The following CDK6 variants were observed in gnomAD, a reference collection of about 807,000 sequenced individuals.
CDK6 encodes cyclin dependent kinase 6, also known as cyclin-dependent kinase 6.
A neutral mutation model predicts 37.1 loss-of-function variants in CDK6; 6 were observed. That is an observed-to-expected ratio of 0.16 (90% CI 0.09 to 0.32). The LOEUF is 0.32. Among genes scored for constraint, CDK6 ranks in the 10% least tolerant of loss-of-function variants. The pLI is 1.00. For missense variants in CDK6, 224 were observed against 418.9 expected (o/e 0.53, Z 4.06); for synonymous variants, 160 against 161.3 (o/e 0.99, Z 0.06).
chr7:92,795,183 A>T (rs1172785710), intron 2 of CDK6, among the ~76,000 whole-genome samples: 1 of 152,102 alleles, frequency 6.6e-6, no homozygotes, highest in African/African-American at 2.4e-5. Flanking sequence ...TTCTTTCCTC[A>T]GTAACTGTCT....
chr7:92,716,578 T>A (rs565322175), intron 4 of CDK6, among the ~76,000 whole-genome samples: 2 of 152,294 alleles, frequency 1.3e-5, no homozygotes, highest in African/African-American at 4.8e-5. Flanking sequence ...ACTCAGAAAC[T>A]TACACTATGA....
At chr7:92,694,469 A>C (rs186929840) in intron 4 of CDK6, among the ~76,000 whole-genome samples, 1 of 152,344 alleles carries the variant, frequency 6.6e-6, no homozygotes, top group Admixed American at 6.5e-5. Flanking sequence ...TTTAACCAAG[A>C]GGAAAACTGA....
chr7:92,804,370 A>C (rs769233541), intron 2 of CDK6, among the ~76,000 whole-genome samples: 2 of 152,136 alleles, frequency 1.3e-5, no homozygotes, highest in Admixed American at 6.5e-5. Flanking sequence ...CAATTTCAAC[A>C]ACCTTCACCG....
At chr7:92,629,719 C>T (rs1796011260) in intron 5 of CDK6, among the ~76,000 whole-genome samples, 1 of 152,018 alleles carries the variant, frequency 6.6e-6, no homozygotes, top group African/African-American at 2.4e-5. Context: ...GTCATCTCTC[C>T]CTGCCTTAGT....
At chr7:92,632,620 C>T (rs548058201) in intron 5 of CDK6, among the ~76,000 whole-genome samples, 1 of 152,140 alleles carries the variant, frequency 6.6e-6, no homozygotes, top group East Asian at 1.9e-4. Context: ...GGCCCAACAG[C>T]AAGTTTAACT....
intron 5 of CDK6, among the ~76,000 whole-genome samples, chr7:92,623,431 T>G (rs1795849763): frequency 6.6e-6 from 1 of 152,190 alleles, no homozygotes; most frequent in Non-Finnish European, 1.5e-5. Flanking sequence ...CATCCTAGTC[T>G]CGAACCATAA....
intron 3 of CDK6, among the ~76,000 whole-genome samples, chr7:92,726,893 A>G (rs1043004337): frequency 1.3e-5 from 2 of 152,264 alleles, no homozygotes; most frequent in African/African-American, 4.8e-5. Flanking sequence ...ACAGTAACAA[A>G]GCCCACTTTA....
chr7:92,647,671 T>C (rs566920411), intron 5 of CDK6, among the ~76,000 whole-genome samples: 5 of 152,348 alleles, frequency 3.3e-5, no homozygotes, highest in African/African-American at 1.2e-4. Context: ...CAAAGATCCT[T>C]GCCCTGTGGA....
chr7:92,644,652 C>A (rs193078864), intron 5 of CDK6, among the ~76,000 whole-genome samples: 1 of 152,296 alleles, frequency 6.6e-6, no homozygotes, highest in African/African-American at 2.4e-5. Context: ...GGCCAAAATT[C>A]CTTTCCCAAG....
chr7:92,676,950 C>A (rs553791640), intron 4 of CDK6, among the ~76,000 whole-genome samples: 311 of 149,362 alleles, frequency 2.1e-3, no homozygotes, highest in Admixed American at 4.4e-3. Flanking sequence ...CAGAGAGACT[C>A]CGTCTCAAAA....
intron 5 of CDK6, among the ~76,000 whole-genome samples, chr7:92,644,002 G>C (rs1796381541): frequency 6.6e-6 from 1 of 152,174 alleles, no homozygotes; most frequent in Non-Finnish European, 1.5e-5. Context: ...AAGGAAACCA[G>C]GCCAAACTTG....
rs548882353 is a variant in CDK6 at position 92,611,053 on chromosome 7, C to T, written c.*4087G>A. ...CAGATGACCTTAGTATAAATTTTTA[C>T]AATATATTTGTTCATAAAGAATATA... On this transcript the variant is annotated 3_prime_UTR_variant, in exon 8 of 8. Coordinates refer to ENST00000424848, the MANE Select transcript of CDK6 (RefSeq NM_001145306.2). 2 of 225,302 alleles carry T rather than the reference C, an allele frequency of 8.9e-6. No individual in the cohort carries two copies. Among genetic ancestry groups the T allele is most frequent in the African/African-American group, 2.2e-5 (1 of 45,002 alleles). The allele number at this position is 225,302 out of a possible 1,614,324, so 14.0% of individuals were successfully genotyped here. A position where few individuals can be genotyped will look rare whatever the true frequency, so the allele number is the denominator to read the frequency against.
chr7:92,721,161 A>G (rs893212434), intron 4 of CDK6, among the ~76,000 whole-genome samples: 2 of 152,150 alleles, frequency 1.3e-5, no homozygotes, highest in Non-Finnish European at 2.9e-5. Flanking sequence ...GGCCTCATAC[A>G]CATGCTTACG....
intron 5 of CDK6, 28 bp from the exon 6 acceptor site, chr7:92,623,114 A>G: frequency 7.1e-7 from 1 of 1,412,764 alleles, no homozygotes; most frequent in Non-Finnish European, 9.9e-7. Flanking sequence ...CATTTTAAAT[A>G]AGAAATGTTC....
At chr7:92,673,954 T>C (rs1797148196) in intron 4 of CDK6, among the ~76,000 whole-genome samples, 6 of 152,092 alleles carry the variant, frequency 3.9e-5, no homozygotes, top group Middle Eastern at 3.4e-3. Flanking sequence ...ATTTTTTTTG[T>C]ATTTTAGTAG....
intron 2 of CDK6, among the ~76,000 whole-genome samples, chr7:92,801,954 C>A: frequency 6.9e-6 from 1 of 145,702 alleles, no homozygotes; most frequent in East Asian, 2.1e-4. Flanking sequence ...TCTCTCCTCC[C>A]CTCCCCCCCG....
chr7:92,742,178 C>T (rs1319650677), intron 3 of CDK6, among the ~76,000 whole-genome samples: 2 of 152,096 alleles, frequency 1.3e-5, no homozygotes, highest in Non-Finnish European at 2.9e-5. Flanking sequence ...TTGAACTTTG[C>T]TTAGGTTGAG....
chr7:92,809,704 C>T (rs998755327), intron 2 of CDK6, among the ~76,000 whole-genome samples: 1 of 152,124 alleles, frequency 6.6e-6, no homozygotes, highest in Non-Finnish European at 1.5e-5. Context: ...AGTATCTAAT[C>T]CAGTGTGAAA....
intron 5 of CDK6, among the ~76,000 whole-genome samples, chr7:92,670,076 C>A (rs1371265724): frequency 6.6e-6 from 1 of 152,216 alleles, no homozygotes; most frequent in Non-Finnish European, 1.5e-5. Context: ...GGGAAAAAAG[C>A]AACACCAGAA....
Sources: gnomAD v4.1 joint callset for allele counts (sites outside exome capture counted in the v4.1 genomes callset) on GRCh38, gnomAD v4.1.1 for gene constraint, MANE v1.5 for transcripts, NCBI Gene and HGNC (gene_info 2026-07-23, HGNC 2026-07-21) for gene names.